The following DMD variants were observed in gnomAD, a reference collection of about 807,000 sequenced individuals.
The protein encoded by DMD is dystrophin, also known as mutant dystrophin.
Under a neutral mutation model 330.1 loss-of-function variants are expected in DMD, and 63 were observed. That is an observed-to-expected ratio of 0.19 (90% confidence interval 0.16 to 0.24). DMD has a LOEUF of 0.24. Ranked by LOEUF, DMD falls within the 10% of genes least tolerant of loss-of-function variation. The pLI is 1.00. For synonymous variants in DMD, 1,223 were observed against 959.8 expected, an observed-to-expected ratio of 1.27 and a Z score of -5.07; for missense variants, 3,344 against 2,684.1, an observed-to-expected ratio of 1.25 and a Z score of -5.43.
chrX:31,996,734 G>A (rs183414411), intron 44 of DMD, among the ~76,000 whole-genome samples: 34 of 111,228 alleles, frequency 3.1e-4, no homozygotes, highest in Admixed American at 4.8e-4. Context: ...CTTACGTAGC[G>A]TTGCAGGCAT....
chrX:31,270,655 C>T (rs1485430778), intron 62 of DMD, among the ~76,000 whole-genome samples: 2 of 111,885 alleles, frequency 1.8e-5, no homozygotes, highest in African/African-American at 6.5e-5. Context: ...CTTAGTGTGA[C>T]AATCTGGAGT....
intron 9 of DMD, among the ~76,000 whole-genome samples, chrX:32,675,934 G>T (rs779878139): frequency 9.9e-4 from 110 of 111,321 alleles, no homozygotes; most frequent in African/African-American, 3.5e-3. Flanking sequence ...AGAGTAACTG[G>T]TTCATTATCT....
intron 1 of DMD, among the ~76,000 whole-genome samples, chrX:33,150,292 C>CT (rs67904733): frequency 2.9e-4 from 25 of 87,611 alleles, no homozygotes; most frequent in African/African-American, 4.9e-4. Context: ...AAAAGTCAGT[C>CT]TTTTTTTTTT....
chrX:32,980,171 G>A (rs182083530), intron 2 of DMD, among the ~76,000 whole-genome samples: 3 of 109,387 alleles, frequency 2.7e-5, no homozygotes, highest in Admixed American at 9.8e-5. Flanking sequence ...TTTGAGACCA[G>A]CCTGGCCAAC....
At chrX:32,395,741 G>C (rs1215421956) in intron 30 of DMD, among the ~76,000 whole-genome samples, 1 of 110,869 alleles carries the variant, frequency 9.0e-6, no homozygotes, top group Non-Finnish European at 1.9e-5. Context: ...TCTTATTTTA[G>C]GCTGTAGGAA....
At chrX:32,761,122 TC>T (rs1371025595) in intron 7 of DMD, among the ~76,000 whole-genome samples, 3 of 112,128 alleles carry the variant, frequency 2.7e-5, no homozygotes, top group Non-Finnish European at 5.6e-5. Flanking sequence ...TTTACAAGTG[TC>T]ATTTGTTCCT....
intron 7 of DMD, among the ~76,000 whole-genome samples, chrX:32,728,233 T>C (rs1237891138): frequency 9.0e-6 from 1 of 111,577 alleles, no homozygotes; most frequent in Non-Finnish European, 1.9e-5. Context: ...AAATTTCTTG[T>C]TAGGAAGCTT....
chrX:33,302,120 C>A (rs1365010012), intron 1 of DMD, among the ~76,000 whole-genome samples: 2 of 111,357 alleles, frequency 1.8e-5, no homozygotes, highest in Non-Finnish European at 3.8e-5. Flanking sequence ...GCTTAATGTT[C>A]CGTTGCAACA....
chrX:32,822,595 GTA>G (rs202112668), intron 5 of DMD, among the ~76,000 whole-genome samples: 1 of 109,586 alleles, frequency 9.1e-6, no homozygotes, highest in East Asian at 2.9e-4. Flanking sequence ...ATATGAGTGT[GTA>G]TATATATACA....
At chrX:32,564,375 T>G in intron 16 of DMD, among the ~76,000 whole-genome samples, 1 of 111,828 alleles carries the variant, frequency 8.9e-6, no homozygotes, top group Non-Finnish European at 1.9e-5. Context: ...CAATAATCTG[T>G]GGAAGCAATG....
intron 34 of DMD, 152 bp from the exon 35 acceptor site, chrX:32,365,351 A>C (rs963212596): frequency 1.8e-5 from 9 of 492,372 alleles, no homozygotes; most frequent in South Asian, 3.4e-5. Context: ...TACCATATAT[A>C]CTGAAGCTTC....
intron 77 of DMD, among the ~76,000 whole-genome samples, chrX:31,129,239 TATTA>T (rs2034161210): frequency 8.9e-6 from 1 of 112,218 alleles, no homozygotes; most frequent in Non-Finnish European, 1.9e-5. Flanking sequence ...GCCTCTTTTA[TATTA>T]ATTCACTGAC....
intron 62 of DMD, among the ~76,000 whole-genome samples, chrX:31,264,105 C>A (rs771493946): frequency 8.9e-6 from 1 of 112,201 alleles, no homozygotes; most frequent in African/African-American, 3.2e-5. Flanking sequence ...CCTTGAAGGA[C>A]AAACCACATT....
chrX:32,480,654 C>CA (rs2041794672), intron 21 of DMD, among the ~76,000 whole-genome samples: 1 of 106,491 alleles, frequency 9.4e-6, no homozygotes, highest in Non-Finnish European at 1.9e-5. Context: ...GCACACACAA[C>CA]TTGTGTACAT....
intron 1 of DMD, among the ~76,000 whole-genome samples, chrX:33,151,233 T>A (rs2048271927): frequency 8.9e-6 from 1 of 112,477 alleles, no homozygotes; most frequent in Non-Finnish European, 1.9e-5. Context: ...AACATATAAG[T>A]TATGACAGGT....
chrX:31,453,764 G>GAAAAAAAAAAAAA (rs2065932925), intron 59 of DMD, among the ~76,000 whole-genome samples: 1 of 1,035 alleles, frequency 9.7e-4, no homozygotes, highest in Admixed American at 0.013. Flanking sequence ...CAAAAAACAA[G>GAAAAAAAAAAAAA]CAAAAAAAAA....
chrX:32,114,511 C>A (rs2096602010), intron 44 of DMD, among the ~76,000 whole-genome samples: 1 of 111,729 alleles, frequency 9.0e-6, no homozygotes, highest in South Asian at 3.8e-4. Context: ...ATTTCCAGGG[C>A]AGACCGTCCT....
At chrX:33,012,296 T>C (rs1019522706) in intron 2 of DMD, among the ~76,000 whole-genome samples, 1 of 111,559 alleles carries the variant, frequency 9.0e-6, no homozygotes, top group African/African-American at 3.2e-5. Flanking sequence ...CACAAACACA[T>C]CATTCGACAA....
intron 44 of DMD, among the ~76,000 whole-genome samples, chrX:32,058,585 A>G (rs2096198968): frequency 9.3e-6 from 1 of 107,813 alleles, no homozygotes; most frequent in South Asian, 4.0e-4. Context: ...AAAAAAAAAA[A>G]GCCCAAGATC....
Sources: allele counts gnomAD v4.1 joint callset (sites outside exome capture counted in the v4.1 genomes callset), GRCh38; gene constraint gnomAD v4.1.1; transcripts MANE v1.5; gene names NCBI Gene and HGNC (gene_info 2026-07-23, HGNC 2026-07-21).